The following LRRIQ1 variants were observed in gnomAD, a reference collection of about 807,000 sequenced individuals.
LRRIQ1 encodes the protein leucine-rich repeat- and IQ domain-containing protein 1.
A neutral mutation model predicts 211.9 loss-of-function variants in LRRIQ1; 210 were observed. The ratio of observed to expected loss-of-function variants is 0.99; its 90% CI spans 0.89 to 1.11. LRRIQ1 has a LOEUF of 1.11. Ranked by LOEUF, LRRIQ1 falls within the 50% of genes most tolerant of loss-of-function variation. The probability of loss-of-function intolerance (pLI) is 0.00; values close to 1 mark genes in which losing one functional copy is unlikely to be tolerated. For synonymous variants in LRRIQ1, 699 were observed against 650.1 expected, an observed-to-expected ratio of 1.08 and a Z score of -1.14; for missense variants, 2,136 against 1,939.5, an observed-to-expected ratio of 1.10 and a Z score of -1.90.
intron 1 of LRRIQ1, among the ~76,000 whole-genome samples, chr12:85,259,158 AAGC>A (rs760848083): frequency 8.7e-4 from 132 of 152,176 alleles, no homozygotes; most frequent in Non-Finnish European, 1.6e-3. Flanking sequence ...ACCTGCAAAT[AAGC>A]AGCAGATTGT....
rs528423118 is a variant in LRRIQ1 at position 85,138,546 on chromosome 12, A to G, written c.4329+577A>G. ...GGTGATATTGTGTTCTTCTCAATGTATCACTGCAGGAAGGTGATGAAGTTT... is the reference window on the plus strand; with the variant it reads ...GGTGATATTGTGTTCTTCTCAATGTGTCACTGCAGGAAGGTGATGAAGTTT... On this transcript the variant is annotated intron_variant, in intron 19 of 26. Coordinates refer to ENST00000393217, the MANE Select transcript of LRRIQ1 (RefSeq NM_001079910.2). 2.6e-3 allele frequency among the ~76,000 whole-genome samples: 393 copies of G among 151,636 alleles called. 4 individuals are homozygous for G. Among genetic ancestry groups the G allele is most frequent in the African/African-American group, 9.3e-3 (386 of 41,498 alleles).
At chr12:85,123,112 T>C (rs1888105075) in intron 16 of LRRIQ1, among the ~76,000 whole-genome samples, 1 of 151,164 alleles carries the variant, frequency 6.6e-6, no homozygotes. Flanking sequence ...TTTTGCATTA[T>C]TAGCCAATGA....
At chr12:85,220,820 T>A (rs541282876) in intron 24 of LRRIQ1, among the ~76,000 whole-genome samples, 61 of 139,516 alleles carry the variant, frequency 4.4e-4, no homozygotes, top group African/African-American at 1.6e-3. Flanking sequence ...TTTAATTTTA[T>A]TTTTTGAGAC....
chr12:85,227,371 C>G (rs1894713854), intron 24 of LRRIQ1, among the ~76,000 whole-genome samples: 1 of 152,036 alleles, frequency 6.6e-6, no homozygotes, highest in African/African-American at 2.4e-5. Flanking sequence ...GTGTGCTGCA[C>G]CCATTAACTC....
Position 85,038,307 on chromosome 12 carries a change from C to T in LRRIQ1, c.131C>T (p.Thr44Ile). The T allele has an allele frequency of 1.3e-6, 2 of 1,552,686 alleles. No homozygotes were observed. The highest frequency in any genetic ancestry group is 1.7e-6 in the Non-Finnish European group (2 of 1,147,188). The stretch of plus-strand genomic sequence containing the variant: ...GAAACCCAGAGTGATGATAGTGATA[C>T]AGTGAGTATTGCACTTTTGAGCCTT... ...KSETQSDDSD[T>I]DSVELPESVL... Residue 44 changes from threonine to isoleucine, a missense_variant and splice_region_variant, in exon 2 of 27, where the codon ACA becomes ATA. Physicochemically the swap from Thr to Ile is moderately conservative, Grantham distance 89. Transcript: ENST00000393217.
intron 24 of LRRIQ1, among the ~76,000 whole-genome samples, chr12:85,185,203 A>C (rs1328314539): frequency 6.6e-6 from 1 of 151,928 alleles, no homozygotes; most frequent in Non-Finnish European, 1.5e-5. Context: ...GGAAAGATAG[A>C]ATTTCACTCT....
chr12:85,192,400 A>G (rs971308002), intron 24 of LRRIQ1, among the ~76,000 whole-genome samples: 1 of 136,420 alleles, frequency 7.3e-6, no homozygotes, highest in Non-Finnish European at 1.5e-5. Context: ...TAGTGTATAT[A>G]TATTTATATA....
At chr12:85,137,350 C>A (rs1178836979) in intron 18 of LRRIQ1, among the ~76,000 whole-genome samples, 5 of 151,394 alleles carry the variant, frequency 3.3e-5, no homozygotes, top group African/African-American at 1.2e-4. Flanking sequence ...ACTGAGGAAT[C>A]TGAATATTTT....
chr12:85,176,622 C>T (rs1213620527), intron 24 of LRRIQ1, among the ~76,000 whole-genome samples: 6 of 147,424 alleles, frequency 4.1e-5, no homozygotes, highest in South Asian at 2.2e-4. Flanking sequence ...GGGATAGCAT[C>T]GGGAGATATA....
intron 8 of LRRIQ1, among the ~76,000 whole-genome samples, 157 bp downstream of exon 8, chr12:85,057,341 A>T (rs1015969611): frequency 1.9e-4 from 29 of 152,024 alleles, no homozygotes; most frequent in Admixed American, 1.7e-3. Context: ...GGGAGGGGAT[A>T]TATCTCAACA....
intron 11 of LRRIQ1, among the ~76,000 whole-genome samples, chr12:85,078,268 C>A (rs1460229203): frequency 6.6e-6 from 1 of 152,064 alleles, no homozygotes; most frequent in Non-Finnish European, 1.5e-5. Flanking sequence ...TAATAGCTAT[C>A]ATTTTTAGTA....
intron 24 of LRRIQ1, among the ~76,000 whole-genome samples, chr12:85,216,118 T>C (rs977992565): frequency 6.6e-6 from 1 of 152,148 alleles, no homozygotes; most frequent in Admixed American, 6.6e-5. Context: ...GTTTGCTGCA[T>C]CCATCAACTC....
In LRRIQ1 at chr12:85,055,864, G is replaced by C. The variant is rs1380942790; in HGVS notation, c.1071G>C (p.Arg357Ser). The C allele has an allele frequency of 3.8e-6, 6 of 1,578,798 alleles. No homozygotes were observed. The highest frequency in any genetic ancestry group is 5.1e-6 in the Non-Finnish European group (6 of 1,165,104). Residue 357 changes from arginine (R) to serine (S), a missense_variant, in exon 8 of 27, where the codon AGG becomes AGC. Transcript: ENST00000393217. ...GAAAAAAGCAAAAGGAAGAGGAAAG[G>C]AAAAGGAGAGAAAAAGAATATGAAG... ...EERKKQKEEE[R>S]KRREKEYEEK...
intron 1 of LRRIQ1, among the ~76,000 whole-genome samples, chr12:85,257,688 C>T (rs1039233796): frequency 1.3e-5 from 2 of 151,802 alleles, no homozygotes; most frequent in East Asian, 1.9e-4. Flanking sequence ...AATTTACAGG[C>T]CACATGAGGA....
Position 85,154,079 on chromosome 12 carries a change from C to A in LRRIQ1, c.4705C>A (p.Leu1569Ile), listed in dbSNP as rs1196107892. 6 of 1,558,424 alleles carry A rather than the reference C, an allele frequency of 3.9e-6. No individual in the cohort carries two copies. Among genetic ancestry groups the A allele is most frequent in the Admixed American group, 3.6e-5 (2 of 55,580 alleles). Residue 1569 changes from leucine to isoleucine, a missense_variant, in exon 23 of 27, where the codon CTA (leucine) becomes ATA (isoleucine). By Grantham distance (5) the Leu-to-Ile change is conservative. Coordinates refer to ENST00000393217, the MANE Select transcript of LRRIQ1 (RefSeq NM_001079910.2). Reference sequence around the variant, plus strand: ...GGCACAGAAAATGAAATCGAAGAAACTAAAGAAAAAAATAGGTGAGTAATT... The same window carrying A: ...GGCACAGAAAATGAAATCGAAGAAAATAAAGAAAAAAATAGGTGAGTAATT... ...KRAQKMKSKKLKKKIDSTVRL... is the reference protein window; with the variant it reads ...KRAQKMKSKKIKKKIDSTVRL...
intron 16 of LRRIQ1, among the ~76,000 whole-genome samples, chr12:85,123,679 G>A (rs750809077): frequency 3.0e-4 from 45 of 152,112 alleles, no homozygotes; most frequent in South Asian, 4.1e-4. Flanking sequence ...AATATTTTGC[G>A]TGGCAAAAGT....
chr12:85,210,214 T>C lies in LRRIQ1; in HGVS notation c.4823-19303T>C, dbSNP rs190871332. Among the ~76,000 whole-genome samples the C allele has an allele frequency of 3.3e-3, 504 of 152,244 alleles. 3 individuals are homozygous for C. Among genetic ancestry groups the C allele is most frequent in the Non-Finnish European group, 5.8e-3 (395 of 67,992 alleles). ...TCCTAGGATATTATGTATGAATTGG[T>C]CAAAAACCACAGTATTCTATAACTC... is the stretch of plus-strand genomic sequence containing the variant. On this transcript the variant is annotated intron_variant, in intron 24 of 26. Coordinates refer to ENST00000393217, the MANE Select transcript of LRRIQ1 (RefSeq NM_001079910.2).
chr12:85,173,114 A>C (rs1352226232), intron 24 of LRRIQ1, among the ~76,000 whole-genome samples: 1 of 152,170 alleles, frequency 6.6e-6, no homozygotes, highest in South Asian at 2.1e-4. Flanking sequence ...TCTCAAAAAC[A>C]ATAAATAAAA....
intron 26 of LRRIQ1, among the ~76,000 whole-genome samples, chr12:85,243,740 A>G (rs1041961616): frequency 6.6e-6 from 1 of 151,644 alleles, no homozygotes; most frequent in Non-Finnish European, 1.5e-5. Context: ...AAATAAATAA[A>G]TAAATGTAAG....
Sources: allele counts gnomAD v4.1 joint callset (sites outside exome capture counted in the v4.1 genomes callset), GRCh38; gene constraint gnomAD v4.1.1; transcripts MANE v1.5; gene names NCBI Gene and HGNC (gene_info 2026-07-23, HGNC 2026-07-21).